SDCCAG8: variants seen among roughly 807,000 people sequenced by gnomAD.
SDCCAG8 encodes SHH signaling and ciliogenesis regulator SDCCAG8.
In SDCCAG8, 74 loss-of-function variants were observed where a neutral mutation model predicts 101.8. That is an observed-to-expected ratio of 0.73 (90% confidence interval 0.60 to 0.88). The LOEUF is 0.88. Ranked by LOEUF, SDCCAG8 falls within the 40% of genes least tolerant of loss-of-function variation. The pLI is 0.00. For synonymous variants in SDCCAG8, 281 were observed against 292.9 expected (o/e 0.96, Z 0.41); for missense variants, 787 against 822.6 (o/e 0.96, Z 0.53).
intron 13 of SDCCAG8, among the ~76,000 whole-genome samples, chr1:243,414,668 A>T (rs983531386): frequency 4.6e-5 from 7 of 152,158 alleles, no homozygotes; most frequent in African/African-American, 1.7e-4. Flanking sequence ...GCTTTATGGA[A>T]TTGTTTATTT....
rs778779415 is a variant in SDCCAG8, at chr1:243,444,584, C to G, written c.1985+18026C>G. 4.6e-5 allele frequency among the ~76,000 whole-genome samples: 7 copies of G among 152,126 alleles called. 1 individual carries two copies. The highest frequency in any genetic ancestry group is 3.9e-4 in the Admixed American group (6 of 15,270). ...ATGGGGTTTCACCATGTTGCCCAGG[C>G]TGGTCTCAGGCTGGTCTCAAACTCC... On this transcript the variant is annotated intron_variant, in intron 16 of 17. Transcript: ENST00000366541.
intron 16 of SDCCAG8, among the ~76,000 whole-genome samples, chr1:243,431,344 G>T (rs1443757143): frequency 6.6e-6 from 1 of 152,148 alleles, no homozygotes; most frequent in Non-Finnish European, 1.5e-5. Flanking sequence ...TACTTGATTG[G>T]CAGTGCTGGG....
At chr1:243,350,456 A>C (rs982874783) in intron 12 of SDCCAG8, among the ~76,000 whole-genome samples, 1 of 152,020 alleles carries the variant, frequency 6.6e-6, no homozygotes, top group African/African-American at 2.4e-5. Context: ...GAGCTCAGGC[A>C]ATCCACCTGC....
intron 9 of SDCCAG8, among the ~76,000 whole-genome samples, chr1:243,323,352 C>A (rs2073913423): frequency 6.6e-6 from 1 of 152,122 alleles, no homozygotes; most frequent in Non-Finnish European, 1.5e-5. Flanking sequence ...GACCAACTGA[C>A]AAGAGCCTCC....
chr1:243,295,635 TGAA>T (rs902191324), intron 6 of SDCCAG8, among the ~76,000 whole-genome samples: 22 of 152,214 alleles, frequency 1.4e-4, no homozygotes, highest in Admixed American at 1.0e-3. Context: ...CATTTCTCTT[TGAA>T]GAACTGGCTT....
chr1:243,269,331 T>C (rs2067891824), intron 1 of SDCCAG8: 1 of 146,790 alleles, frequency 6.8e-6, no homozygotes, highest in Admixed American at 6.9e-5. Context: ...TCTGAAACAG[T>C]CTCGCTCTCT....
chr1:243,463,165 G>C (rs570755522), intron 16 of SDCCAG8, among the ~76,000 whole-genome samples: 9 of 152,332 alleles, frequency 5.9e-5, no homozygotes, highest in South Asian at 2.1e-4. Flanking sequence ...GCAGGATTCA[G>C]TCCTGACTCT....
intron 1 of SDCCAG8, chr1:243,267,996 C>T (rs2067770035): frequency 1.3e-6 from 1 of 780,046 alleles, no homozygotes; most frequent in Non-Finnish European, 2.4e-6. Flanking sequence ...TCCTTTAACG[C>T]GCTGGGATCC....
intron 12 of SDCCAG8, among the ~76,000 whole-genome samples, chr1:243,346,841 A>G (rs2075741380): frequency 6.6e-6 from 1 of 152,136 alleles, no homozygotes; most frequent in South Asian, 2.1e-4. Flanking sequence ...GATTTTTATG[A>G]GAAATTTTTT....
At chr1:243,364,155 G>T (rs1319142928) in intron 12 of SDCCAG8, among the ~76,000 whole-genome samples, 1 of 151,792 alleles carries the variant, frequency 6.6e-6, no homozygotes, top group Non-Finnish European at 1.5e-5. Flanking sequence ...ACCTAGTTTT[G>T]TTGTTAAAAT....
chr1:243,487,499 C>A (rs1275890160), intron 16 of SDCCAG8, among the ~76,000 whole-genome samples: 1 of 152,200 alleles, frequency 6.6e-6, no homozygotes, highest in Non-Finnish European at 1.5e-5. Flanking sequence ...ATACATCACA[C>A]ACACAGGGAA....
intron 1 of SDCCAG8, among the ~76,000 whole-genome samples, chr1:243,259,928 C>T (rs2067076356): frequency 6.6e-6 from 1 of 152,216 alleles, no homozygotes; most frequent in Admixed American, 6.5e-5. Flanking sequence ...AATGTGAAAA[C>T]TGAGTCAGCG....
At chr1:243,302,750 T>C (rs2071654317) in intron 6 of SDCCAG8, among the ~76,000 whole-genome samples, 1 of 152,188 alleles carries the variant, frequency 6.6e-6, no homozygotes, top group Admixed American at 6.5e-5. Context: ...ACACAATGTC[T>C]CTAATTCAGC....
At chr1:243,413,378 G>A (rs1473500789) in intron 13 of SDCCAG8, among the ~76,000 whole-genome samples, 1 of 152,002 alleles carries the variant, frequency 6.6e-6, no homozygotes, top group East Asian at 1.9e-4. Flanking sequence ...GCTAATTTGT[G>A]TATTTTTAGT....
At chr1:243,409,581 C>T (rs2080024501) in intron 13 of SDCCAG8, among the ~76,000 whole-genome samples, 1 of 152,116 alleles carries the variant, frequency 6.6e-6, no homozygotes, top group African/African-American at 2.4e-5. Context: ...GATTCCAAGA[C>T]TGGTACAAGG....
chr1:243,374,566 T>TA (rs1473909525), intron 12 of SDCCAG8, among the ~76,000 whole-genome samples: 6 of 152,100 alleles, frequency 3.9e-5, no homozygotes, highest in Non-Finnish European at 8.8e-5. Context: ...GAATGAAAAC[T>TA]AATTTCAAAA....
intron 16 of SDCCAG8, 133 bp from the exon 17 acceptor site, chr1:243,488,880 TG>T: frequency 7.9e-7 from 1 of 1,259,060 alleles, no homozygotes; most frequent in Non-Finnish European, 1.1e-6. Context: ...AGCCAGAGCC[TG>T]GCACCTCAGG....
intron 8 of SDCCAG8, among the ~76,000 whole-genome samples, 182 bp downstream of exon 8, chr1:243,308,359 C>T (rs1339826152): frequency 6.6e-6 from 1 of 152,184 alleles, no homozygotes; most frequent in Non-Finnish European, 1.5e-5. Context: ...TGGGTTCTGC[C>T]ATGTCACCAT....
chr1:243,410,427 A>G (rs1045118259), intron 13 of SDCCAG8, among the ~76,000 whole-genome samples: 1 of 152,218 alleles, frequency 6.6e-6, no homozygotes, highest in Non-Finnish European at 1.5e-5. Flanking sequence ...GCCAGTAAGC[A>G]TGTTATAAAT....
Sources: allele counts gnomAD v4.1 joint callset (sites outside exome capture counted in the v4.1 genomes callset), GRCh38; gene constraint gnomAD v4.1.1; transcripts MANE v1.5; gene names NCBI Gene and HGNC (gene_info 2026-07-23, HGNC 2026-07-21).